The following C16orf95 variants were observed in gnomAD, a reference collection of about 807,000 sequenced individuals.
The protein encoded by C16orf95 is chromosome 16 open reading frame 95.
In C16orf95, 41 loss-of-function variants were observed where a neutral mutation model predicts 32.1. The ratio of observed to expected loss-of-function variants is 1.28; its 90% CI spans 1.00 to 1.66. C16orf95 has a LOEUF of 1.66. C16orf95 is among the 40% of genes most tolerant of loss of function. The pLI, the probability that C16orf95 is intolerant of heterozygous loss-of-function variation, is 0.00. For synonymous variants in C16orf95, 147 were observed against 128.9 expected, an observed-to-expected ratio of 1.14 and a Z score of -0.95; for missense variants, 399 against 325.9, an observed-to-expected ratio of 1.22 and a Z score of -1.73.
At position 87,317,348 on chromosome 16, in the gene C16orf95, C is replaced by A. The variant is rs541803987; in HGVS notation, c.-106G>T. 55 of 1,429,246 alleles carry A rather than the reference C, an allele frequency of 3.8e-5. No individual in the cohort carries two copies. The Admixed American group carries it at 8.8e-4, about 23-fold the overall frequency. 88.5% of individuals were successfully genotyped at this position (1,429,246 alleles called of 1,614,324 possible). On this transcript the variant is annotated 5_prime_UTR_variant, in exon 1 of 7. Coordinates refer to ENST00000567970, the MANE Select transcript of C16orf95 (RefSeq NM_001195124.3). The stretch of plus-strand genomic sequence containing the variant: ...TGCCCCAGGAGGAACCCAACCCGAG[C>A]TCAACCCCAGCCCCAACCTCAACCG...
At position 87,311,204 on chromosome 16, in the gene C16orf95, C is replaced by A. The variant is rs1911268797; in HGVS notation, c.423G>T (p.Arg141Ser). The stretch of plus-strand genomic sequence containing the variant: ...CCCAGTAGGGCATCACTGCCTGGTC[C>A]CTAGGCATCGGGAGGCGGCCCCCAA... ...HRFGGRLPMP[R>S]DQAVMPYWVP... The change falls in exon 4 of 7, where the codon AGG (arginine) becomes AGT (serine). Residue 141 changes from arginine (R) to serine (S), a missense_variant. Transcript: ENST00000567970. 6.5e-7 allele frequency: 1 copy of A among 1,535,808 alleles called. No individual in the cohort carries two copies.
chr16:87,304,352 C>A (rs1910911559), intron 6 of C16orf95, among the ~76,000 whole-genome samples: 1 of 151,282 alleles, frequency 6.6e-6, no homozygotes, highest in South Asian at 2.1e-4. Flanking sequence ...CTGTGCCCGG[C>A]CTCGCCCATC....
At chr16:87,303,132 C>A in intron 6 of C16orf95, 57 bp from the exon 7 acceptor site, 1 of 1,522,484 alleles carries the variant, frequency 6.6e-7, no homozygotes, top group East Asian at 2.4e-5. Context: ...GACCAGCTGC[C>A]CTCAGCGCGT....
Position 87,305,485 on chromosome 16 carries a change from T to C in C16orf95, c.701+234A>G, listed in dbSNP as rs1282150893. Among the ~76,000 whole-genome samples, 1 of 76,482 alleles carries C rather than the reference T, an allele frequency of 1.3e-5. No individual in the cohort carries two copies. Among genetic ancestry groups the C allele is most frequent in the East Asian group, 2.9e-4 (1 of 3,498 alleles). 50.2% of individuals were successfully genotyped at this position (76,482 alleles called of 152,430 possible). A position where few individuals can be genotyped will look rare whatever the true frequency, so the allele number is the denominator to read the frequency against. On this transcript the variant is annotated intron_variant, in intron 6 of 6. Transcript: ENST00000567970. This position sits in a 1 kb window ranked among gnomAD's most constrained non-coding sequence, Gnocchi z 4.2. ...CTTGGGAAGAGGGAAGGGGTGGAAGTGCCCCACGAGGCCCCCGCCGCCCCC... is the reference window on the plus strand; with the variant it reads ...CTTGGGAAGAGGGAAGGGGTGGAAGCGCCCCACGAGGCCCCCGCCGCCCCC...
rs1468532142 is a variant in C16orf95, at chr16:87,306,013, C to T, written c.515-108G>A. 5 of 855,476 alleles carry T rather than the reference C, an allele frequency of 5.8e-6. No homozygotes were observed. The African/African-American group carries it at 7.2e-5, about 12-fold the overall frequency. 53.0% of individuals were successfully genotyped at this position (855,476 alleles called of 1,614,324 possible). A position where few individuals can be genotyped will look rare whatever the true frequency, so the allele number is the denominator to read the frequency against. On this transcript the variant is annotated intron_variant, in intron 5 of 6. Coordinates refer to ENST00000567970, the MANE Select transcript of C16orf95 (RefSeq NM_001195124.3). Reference sequence around the variant, plus strand: ...AGAGCCTCCGGGAAATGGGGACTTCCAGGACCCAGCCACAGCCCCGGGGTG... The same window carrying T: ...AGAGCCTCCGGGAAATGGGGACTTCTAGGACCCAGCCACAGCCCCGGGGTG...
chr16:87,316,967 A>C, intron 1 of C16orf95, 124 bp downstream of exon 1: 1 of 1,374,144 alleles, frequency 7.3e-7, no homozygotes, highest in Non-Finnish European at 9.4e-7. Flanking sequence ...AAGCCAATGT[A>C]AGTGAGGTTC....
At position 87,311,161 on chromosome 16, in the gene C16orf95, A is replaced by T. The variant is rs1457764342; in HGVS notation, c.466T>A (p.Ser156Thr). ...CGCCTCCTCCTTACCTGCTGCTGAG[A>T]CCTCAGGACCTGGGGCACCCAGTAG... ...MPYWVPQVLR[S>T]QQQIVRRQQS... Residue 156 changes from serine (S) to threonine (T), a missense_variant, in exon 4 of 7, where the codon TCT becomes ACT. Coordinates refer to ENST00000567970, the MANE Select transcript of C16orf95 (RefSeq NM_001195124.3). 2 of 1,528,560 alleles carry T rather than the reference A, an allele frequency of 1.3e-6. No homozygotes were observed. The highest frequency in any genetic ancestry group is 1.8e-6 in the Non-Finnish European group (2 of 1,141,636). The allele number at this position is 1,528,560 out of a possible 1,614,324, so 94.7% of individuals were successfully genotyped here. A position where few individuals can be genotyped will look rare whatever the true frequency, so the allele number is the denominator to read the frequency against.
intron 5 of C16orf95, chr16:87,306,229 G>C (rs1911024008): frequency 9.8e-6 from 2 of 203,880 alleles, no homozygotes; most frequent in South Asian, 3.7e-4. Flanking sequence ...GTGAAGATCA[G>C]AGGAACCACA....
chr16:87,306,213 TG>T (rs1333901789), intron 5 of C16orf95: 1 of 222,602 alleles, frequency 4.5e-6, no homozygotes, highest in African/African-American at 2.3e-5. Context: ...GGAGCGGGAG[TG>T]GGTGGTGAAG....
Position 87,312,201 on chromosome 16 carries a change from G to A in C16orf95, c.331-905C>T, listed in dbSNP as rs535741912. On this transcript the variant is annotated intron_variant, in intron 3 of 6. Transcript: ENST00000567970. The stretch of plus-strand genomic sequence containing the variant: ...GCGGGTTCAACGAGGCACATGGTTC[G>A]GGCAACAGGATGAGGAGGAGGTTAC... 1.2e-4 allele frequency among the ~76,000 whole-genome samples: 19 copies of A among 152,278 alleles called. No individual in the cohort carries two copies. The South Asian group carries it at 1.9e-3, about 15-fold the overall frequency.
At chr16:87,310,459 C>A in intron 4 of C16orf95, 126 bp from the exon 5 acceptor site, 1 of 880,238 alleles carries the variant, frequency 1.1e-6, no homozygotes, top group African/African-American at 1.7e-5. Flanking sequence ...AAGGGCTCCT[C>A]CTTATGAGGT....
At chr16:87,313,175 TA>T (rs1911360349) in intron 3 of C16orf95, among the ~76,000 whole-genome samples, 2 of 140,728 alleles carry the variant, frequency 1.4e-5, no homozygotes, top group South Asian at 4.5e-4. Flanking sequence ...AAACTGATTC[TA>T]AAATTCACAT....
In C16orf95 at chr16:87,303,072, C is replaced by G. The variant is rs1437461799; in HGVS notation, c.705G>C (p.Gln235His). The change falls in exon 7 of 7, where the codon CAG becomes CAC. Residue 235 changes from glutamine (Q) to histidine (H), a missense_variant. Coordinates refer to ENST00000567970, the MANE Select transcript of C16orf95 (RefSeq NM_001195124.3). The part of the protein sequence containing the change: ...AIPRVIMAIR[Q>H]CFGV ...GATTCCAACTTCAAACCCCAAAACA[C>G]TGGCTGGAAAGCAAAGAGAGACAGT... 6.5e-7 allele frequency: 1 copy of G among 1,536,114 alleles called. No individual in the cohort carries two copies. Among genetic ancestry groups the G allele is most frequent in the South Asian group, 1.2e-5 (1 of 84,066 alleles).
At chr16:87,310,433 G>T in intron 4 of C16orf95, 100 bp from the exon 5 acceptor site, 1 of 1,223,444 alleles carries the variant, frequency 8.2e-7, no homozygotes, top group Non-Finnish European at 1.2e-6. Context: ...GCACTGGCCA[G>T]CTCAAGATAA....
At chr16:87,317,024 A>C in intron 1 of C16orf95, 67 bp downstream of exon 1, 1 of 1,456,658 alleles carries the variant, frequency 6.9e-7, no homozygotes, top group Non-Finnish European at 9.1e-7. Context: ...GTCATGGAGC[A>C]ATGCCGGGCC....
chr16:87,317,084 CACTT>C lies in C16orf95; in HGVS notation c.152+3_152+6del, dbSNP rs1904374375. 7.9e-6 allele frequency: 12 copies of C among 1,517,156 alleles called. No homozygotes were observed. The highest frequency in any genetic ancestry group is 8.8e-6 in the Non-Finnish European group (10 of 1,135,682). The allele number at this position is 1,517,156 out of a possible 1,614,324, so 94.0% of individuals were successfully genotyped here. A position where few individuals can be genotyped will look rare whatever the true frequency, so the allele number is the denominator to read the frequency against. ...GTAGCCGCGGGCAGGATTCAGGACT[CACTT>C]GCCTGCCATCCTGCGCGCTGGGTGT... On this transcript the variant is annotated splice_donor_5th_base_variant and intron_variant, in intron 1 of 6. Transcript: ENST00000567970.
At chr16:87,315,136 T>C (rs1226058813) in intron 2 of C16orf95, 40 bp from the exon 3 acceptor site, 1 of 1,530,940 alleles carries the variant, frequency 6.5e-7, no homozygotes, top group East Asian at 2.4e-5. Flanking sequence ...AGCTTGATGC[T>C]GCATTTGCAG....
chr16:87,306,052 G>A (rs767788955), intron 5 of C16orf95, 147 bp from the exon 6 acceptor site: 257 of 526,808 alleles, frequency 4.9e-4, no homozygotes, highest in Non-Finnish European at 6.8e-4. Context: ...ACACTGACCC[G>A]GAGCTCACGA....
intron 2 of C16orf95, 120 bp downstream of exon 2, chr16:87,315,652 C>G (rs1227657426): frequency 1.3e-6 from 1 of 783,016 alleles, no homozygotes. Context: ...TGCAACCACA[C>G]TTTTGTGTTT....
Sources: allele counts gnomAD v4.1 joint callset (sites outside exome capture counted in the v4.1 genomes callset), GRCh38; gene constraint gnomAD v4.1.1; non-coding constraint Gnocchi (gnomAD v3.1); transcripts MANE v1.5; gene names NCBI Gene and HGNC (gene_info 2026-07-23, HGNC 2026-07-21).